The following ZNF385D variants were observed in gnomAD, a reference collection of about 807,000 sequenced individuals.
ZNF385D encodes zinc finger protein 385D.
ZNF385D carries 15 observed loss-of-function variants against 35.8 expected under a neutral mutation model. The ratio of observed to expected loss-of-function variants is 0.42; its 90% CI spans 0.28 to 0.64. The LOEUF (loss-of-function observed/expected upper bound fraction) is 0.64. ZNF385D is among the 30% of genes least tolerant of loss of function. The pLI, the probability that ZNF385D is intolerant of heterozygous loss-of-function variation, is 0.23. For missense variants in ZNF385D, 474 were observed against 494.6 expected (o/e 0.96, Z 0.39); for synonymous variants, 212 against 186.8 (o/e 1.13, Z -1.10).
At chr3:21,596,262 A>G (rs192827657) in intron 2 of ZNF385D, among the ~76,000 whole-genome samples, 3 of 152,180 alleles carry the variant, frequency 2.0e-5, no homozygotes, top group Non-Finnish European at 4.4e-5. Flanking sequence ...CACTTCAGTA[A>G]TATTATAACA....
intron 3 of ZNF385D, chr3:21,961,652 T>C (rs1370191726): frequency 6.6e-6 from 1 of 152,168 alleles, no homozygotes; most frequent in African/African-American, 2.4e-5. Flanking sequence ...GATTGTTACA[T>C]TTCAATTGTT....
At chr3:21,580,637 A>ATTCCTTCTCTGTAGGTTATCTTT (rs1448693210) in intron 2 of ZNF385D, among the ~76,000 whole-genome samples, 1 of 152,008 alleles carries the variant, frequency 6.6e-6, no homozygotes, top group Admixed American at 6.6e-5. Context: ...TTTTATACAC[A>ATTCCTTCTCTGTAGGTTATCTTT]TTCCTTCTCT....
In ZNF385D at chr3:22,205,556, G is replaced by T. The variant is rs147416108; in HGVS notation, c.107-36521C>A. ...TGAAAAGACAAACTGATCAGAAATA[G>T]TACAATAAGATATAAATAGAAATAA... is the stretch of plus-strand genomic sequence containing the variant. On this transcript the variant is annotated intron_variant, in intron 2 of 5. Coordinates refer to the ZNF385D transcript ENST00000494108. Among the ~76,000 whole-genome samples, 3 of 152,030 alleles carry T rather than the reference G, an allele frequency of 2.0e-5. No individual in the cohort carries two copies. The East Asian group carries it at 5.8e-4, about 29-fold the overall frequency.
At chr3:22,098,241 T>C (rs1701737196) in intron 3 of ZNF385D, among the ~76,000 whole-genome samples, 4 of 152,046 alleles carry the variant, frequency 2.6e-5, no homozygotes, top group Admixed American at 6.6e-5. Flanking sequence ...TATGTATCCA[T>C]AGCAACTCCC....
chr3:22,219,074 CAT>C (rs1188992685), intron 2 of ZNF385D, among the ~76,000 whole-genome samples: 1 of 152,140 alleles, frequency 6.6e-6, no homozygotes, highest in Non-Finnish European at 1.5e-5. Flanking sequence ...AATCAATTAA[CAT>C]AGCTCAGTTA....
intron 2 of ZNF385D, among the ~76,000 whole-genome samples, chr3:22,309,375 A>G (rs1053961317): frequency 6.6e-5 from 10 of 152,072 alleles, no homozygotes; most frequent in Admixed American, 3.9e-4. Context: ...AAAGAAGAGA[A>G]GCAAGTATAA....
intron 2 of ZNF385D, among the ~76,000 whole-genome samples, chr3:22,316,699 CCATA>C (rs1276687278): frequency 6.6e-6 from 1 of 152,108 alleles, no homozygotes; most frequent in Non-Finnish European, 1.5e-5. Context: ...ATAGTATTTA[CCATA>C]CAGAGTTATA....
At chr3:22,181,404 A>G (rs1695260262) in intron 2 of ZNF385D, among the ~76,000 whole-genome samples, 1 of 152,046 alleles carries the variant, frequency 6.6e-6, no homozygotes, top group Admixed American at 6.6e-5. Context: ...CCAATAGAAT[A>G]TGGTAAAGGT....
At chr3:21,642,791 G>T (rs986043) in intron 2 of ZNF385D, among the ~76,000 whole-genome samples, 111,388 of 152,004 alleles carry the variant, frequency 0.73, 41,012 homozygotes, top group Admixed American at 0.78. Flanking sequence ...TTTTGACACA[G>T]GCCACAAAAT....
rs1399387170 is a variant in ZNF385D at position 21,421,162 on chromosome 3, TG to T, written c.*51del. 2 of 1,454,952 alleles carry T rather than the reference TG, an allele frequency of 1.4e-6. No homozygotes were observed. The highest frequency in any genetic ancestry group is 1.9e-6 in the Non-Finnish European group (2 of 1,043,608). 90.1% of individuals were successfully genotyped at this position (1,454,952 alleles called of 1,614,324 possible). Reference sequence around the variant, plus strand: ...CTGCATAGTTCTCTTTTGTTTGTTTTGTTTTTTGTTTTTTGAAAAATTATTG... The same window carrying T: ...CTGCATAGTTCTCTTTTGTTTGTTTTTTTTTTGTTTTTTGAAAAATTATTG... On this transcript the variant is annotated 3_prime_UTR_variant, in exon 8 of 8. Coordinates refer to ENST00000281523, the MANE Select transcript of ZNF385D (RefSeq NM_024697.3).
chr3:22,095,762 C>T (rs1377285898), intron 3 of ZNF385D, among the ~76,000 whole-genome samples: 3 of 151,834 alleles, frequency 2.0e-5, no homozygotes, highest in Non-Finnish European at 2.9e-5. Context: ...TATGTGGCAT[C>T]AGTTAGCATT....
chr3:21,942,574 T>C (rs1457578629), intron 3 of ZNF385D: 1 of 152,230 alleles, frequency 6.6e-6, no homozygotes, highest in Admixed American at 6.5e-5. Context: ...TGAGCTTTCA[T>C]GCATATATGG....
rs369085719 is a variant in ZNF385D at position 21,440,032 on chromosome 3, A to G, written c.440-2829T>C. Among the ~76,000 whole-genome samples the G allele has an allele frequency of 7.9e-5, 12 of 152,224 alleles. No individual in the cohort carries two copies. The East Asian group carries it at 2.3e-3, about 29-fold the overall frequency. ...AACTTGACTCCATAAAGATAGGAATACTATTAATTTTTAAGTAGTAATGGA... is the reference window on the plus strand; with the variant it reads ...AACTTGACTCCATAAAGATAGGAATGCTATTAATTTTTAAGTAGTAATGGA... On this transcript the variant is annotated intron_variant, in intron 4 of 7. Coordinates refer to ENST00000281523, the MANE Select transcript of ZNF385D (RefSeq NM_024697.3).
intron 1 of ZNF385D, among the ~76,000 whole-genome samples, chr3:21,683,607 A>G: frequency 6.7e-6 from 1 of 148,446 alleles, no homozygotes; most frequent in South Asian, 2.2e-4. Flanking sequence ...AGAGAGTGAG[A>G]CTCCATCTCA....
intron 3 of ZNF385D, among the ~76,000 whole-genome samples, chr3:21,757,132 T>TTTTTTTTTTTTTTTTG (rs2070377163): frequency 7.5e-6 from 1 of 132,618 alleles, no homozygotes; most frequent in Non-Finnish European, 1.6e-5. Flanking sequence ...TTTTTTTTTT[T>TTTTTTTTTTTTTTTTG]TTTTTTTGTT....
intron 2 of ZNF385D, among the ~76,000 whole-genome samples, chr3:22,318,555 T>C (rs1271332239): frequency 1.3e-5 from 2 of 152,096 alleles, no homozygotes; most frequent in Non-Finnish European, 2.9e-5. Context: ...CCAAGATGAA[T>C]TAGCGCTTAG....
intron 2 of ZNF385D, among the ~76,000 whole-genome samples, chr3:21,583,195 T>C (rs566925449): frequency 1.3e-5 from 2 of 152,284 alleles, no homozygotes; most frequent in East Asian, 3.9e-4. Flanking sequence ...AACGAAAATA[T>C]AAACTGTAAC....
intron 3 of ZNF385D, among the ~76,000 whole-genome samples, chr3:22,118,753 A>G (rs1702936705): frequency 6.6e-6 from 1 of 152,020 alleles, no homozygotes; most frequent in Non-Finnish European, 1.5e-5. Context: ...TTCTGTTAAC[A>G]GTCATAGTTC....
chr3:21,744,335 C>T (rs1278503470), intron 1 of ZNF385D, among the ~76,000 whole-genome samples: 1 of 152,166 alleles, frequency 6.6e-6, no homozygotes, highest in Non-Finnish European at 1.5e-5. Flanking sequence ...TTTTTATCCT[C>T]AGAGCAATCT....
Sources: allele counts gnomAD v4.1 joint callset (sites outside exome capture counted in the v4.1 genomes callset), GRCh38; gene constraint gnomAD v4.1.1; transcripts MANE v1.5; gene names NCBI Gene and HGNC (gene_info 2026-07-23, HGNC 2026-07-21).